Variants in NFATC2 observed in about 807,000 individuals in gnomAD.
The protein encoded by NFATC2 is nuclear factor of activated T-cells, cytoplasmic 2.
In NFATC2, 22 loss-of-function variants were observed where a neutral mutation model predicts 87.3. The ratio of observed to expected loss-of-function variants is 0.25; its 90% confidence interval spans 0.18 to 0.36. The LOEUF (loss-of-function observed/expected upper bound fraction) is 0.36. Ranked by LOEUF, NFATC2 falls within the 10% of genes least tolerant of loss-of-function variation. The pLI is 1.00. For missense variants in NFATC2, 1,149 were observed against 1,259.1 expected, an observed-to-expected ratio of 0.91 and a Z score of 1.32; for synonymous variants, 565 against 542.2, an observed-to-expected ratio of 1.04 and a Z score of -0.58.
At chr20:51,531,148 C>T (rs571834948) in intron 1 of NFATC2, among the ~76,000 whole-genome samples, 3 of 152,350 alleles carry the variant, frequency 2.0e-5, no homozygotes, top group East Asian at 3.9e-4. Context: ...CTCCAGGCAT[C>T]GCCAAACATC....
At chr20:51,431,995 C>T in intron 9 of NFATC2, 72 bp downstream of exon 9, 4 of 1,432,394 alleles carry the variant, frequency 2.8e-6, no homozygotes, top group East Asian at 2.3e-5. Context: ...GTAGGCCATG[C>T]AGTGAACTTC....
chr20:51,397,864 T>G (rs1987419605), intron 10 of NFATC2, among the ~76,000 whole-genome samples: 1 of 152,184 alleles, frequency 6.6e-6, no homozygotes, highest in Non-Finnish European at 1.5e-5. Flanking sequence ...TGGAGAAGAT[T>G]AAATAACAGC....
At position 51,408,205 on chromosome 20, in the gene NFATC2, G is replaced by GA. The variant is rs1412481894; in HGVS notation, c.2723-9476dup. On this transcript the variant is annotated intron_variant, in intron 9 of 10. Transcript: ENST00000371564. ...TGAAAGATAACTTTTAGCAGCCTTT[G>GA]AAAAAACACCATAAAAATTCAATAC... Among the ~76,000 whole-genome samples, 8 of 152,136 alleles carry GA rather than the reference G, an allele frequency of 5.3e-5. No homozygotes were observed. In the East Asian group the frequency reaches 1.2e-3, roughly 22 times the overall value.
chr20:51,440,236 CAAAAAAAAA>C (rs34071345), intron 6 of NFATC2, among the ~76,000 whole-genome samples: 1 of 97,228 alleles, frequency 1.0e-5, no homozygotes, highest in African/African-American at 5.0e-5. Flanking sequence ...AACTCCATCT[CAAAAAAAAA>C]AAAAAAAAAA....
Position 51,427,570 on chromosome 20 carries a change from C to T in NFATC2, c.2722+4497G>A, listed in dbSNP as rs545796636. 7.9e-5 allele frequency among the ~76,000 whole-genome samples: 12 copies of T among 152,248 alleles called. No individual in the cohort carries two copies. In the South Asian group the frequency reaches 2.5e-3, roughly 32 times the overall value. On this transcript the variant is annotated intron_variant, in intron 9 of 10. Coordinates refer to ENST00000371564, the MANE Select transcript of NFATC2 (RefSeq NM_012340.5). ...TTTTCAACCCTTGACTCCCTATAGTCCATTTCGCAAAGGCAGCCAGAGTGA... is the reference window on the plus strand; with the variant it reads ...TTTTCAACCCTTGACTCCCTATAGTTCATTTCGCAAAGGCAGCCAGAGTGA...
intron 3 of NFATC2, among the ~76,000 whole-genome samples, chr20:51,481,280 T>C (rs1989231547): frequency 6.6e-6 from 1 of 152,234 alleles, no homozygotes; most frequent in South Asian, 2.1e-4. Flanking sequence ...GATCTACCCT[T>C]CAGGTTCCAA....
intron 10 of NFATC2, among the ~76,000 whole-genome samples, chr20:51,395,557 A>G (rs1437448755): frequency 1.3e-5 from 2 of 151,942 alleles, no homozygotes; most frequent in African/African-American, 4.8e-5. Flanking sequence ...GCCTGTGCTC[A>G]TCCTTAGACA....
chr20:51,435,448 A>C (rs1983423683), intron 7 of NFATC2, 134 bp from the exon 8 acceptor site: 4 of 1,319,992 alleles, frequency 3.0e-6, no homozygotes, highest in Non-Finnish European at 4.2e-6. Context: ...GGGGAAGTTC[A>C]ATTTCAGGGG....
intron 3 of NFATC2, among the ~76,000 whole-genome samples, chr20:51,482,295 A>G (rs1989328760): frequency 6.6e-6 from 1 of 151,438 alleles, no homozygotes; most frequent in Non-Finnish European, 1.5e-5. Flanking sequence ...AGATCTGCCT[A>G]TTTTTAGTGG....
At chr20:51,398,790 CT>C in intron 9 of NFATC2, 60 bp from the exon 10 acceptor site, 1 of 1,168,982 alleles carries the variant, frequency 8.6e-7, no homozygotes. Context: ...TTTGATCTCT[CT>C]TACGCTTCCA....
chr20:51,407,744 A>G (rs1165142345), intron 9 of NFATC2, among the ~76,000 whole-genome samples: 2 of 152,208 alleles, frequency 1.3e-5, no homozygotes, highest in African/African-American at 4.8e-5. Flanking sequence ...GGCTTATTCA[A>G]CTGCTGAGCA....
chr20:51,461,647 A>G (rs1364061446), intron 5 of NFATC2, among the ~76,000 whole-genome samples: 1 of 152,266 alleles, frequency 6.6e-6, no homozygotes, highest in Non-Finnish European at 1.5e-5. Flanking sequence ...AAGAAAACTG[A>G]CACCGGCACA....
chr20:51,428,661 C>G, intron 9 of NFATC2, among the ~76,000 whole-genome samples: 1 of 152,292 alleles, frequency 6.6e-6, no homozygotes, highest in Non-Finnish European at 1.5e-5. Flanking sequence ...TCCCTGGACC[C>G]CAGGGCAGGG....
chr20:51,396,226 A>C (rs79574322), intron 10 of NFATC2, among the ~76,000 whole-genome samples: 1 of 151,846 alleles, frequency 6.6e-6, no homozygotes, highest in Admixed American at 6.6e-5. Context: ...CCCATTCTGC[A>C]CTAGGAATTT....
At position 51,463,250 on chromosome 20, in the gene NFATC2, C is replaced by A. The variant is rs75300585; in HGVS notation, c.1709-8562G>T. Among the ~76,000 whole-genome samples the A allele has an allele frequency of 5.1e-3, 781 of 152,320 alleles. 6 individuals carry two copies. Among genetic ancestry groups the A allele is most frequent in the African/African-American group, 0.018 (728 of 41,576 alleles). On this transcript the variant is annotated intron_variant, in intron 5 of 10. Coordinates refer to ENST00000371564, the MANE Select transcript of NFATC2 (RefSeq NM_012340.5). ...TGGGAGAGTGGAGGGGAACCAAAAT[C>A]TCCCCTAGTGTGGGGCTCACCTCTT... is the stretch of plus-strand genomic sequence containing the variant.
intron 5 of NFATC2, among the ~76,000 whole-genome samples, chr20:51,472,616 TTTC>T (rs1384736312): frequency 1.9e-4 from 29 of 150,464 alleles, no homozygotes; most frequent in African/African-American, 6.1e-4. Flanking sequence ...TGCTTATTTT[TTTC>T]TTCTTTCTTC....
At chr20:51,557,268 G>A (rs1032841406) in intron 1 of NFATC2, among the ~76,000 whole-genome samples, 4 of 152,218 alleles carry the variant, frequency 2.6e-5, no homozygotes, top group African/African-American at 4.8e-5. Context: ...AAAGATGATC[G>A]CCCTATTATT....
intron 5 of NFATC2, among the ~76,000 whole-genome samples, chr20:51,459,910 A>G (rs1303257538): frequency 2.0e-5 from 3 of 152,144 alleles, no homozygotes; most frequent in African/African-American, 7.2e-5. Context: ...AAACAAAACA[A>G]AAAAAAGTTC....
intron 1 of NFATC2, among the ~76,000 whole-genome samples, chr20:51,540,647 G>T (rs1370718895): frequency 5.8e-4 from 65 of 112,942 alleles, no homozygotes; most frequent in Middle Eastern, 4.6e-3. Flanking sequence ...AAAAACTGAA[G>T]TTTTTTTTTT....
Sources: gnomAD v4.1 joint callset for allele counts (sites outside exome capture counted in the v4.1 genomes callset) on GRCh38, gnomAD v4.1.1 for gene constraint, MANE v1.5 for transcripts, NCBI Gene and HGNC (gene_info 2026-07-23, HGNC 2026-07-21) for gene names.